The following RESF1 variants were observed in gnomAD, a reference collection of about 807,000 sequenced individuals.
The protein encoded by RESF1 is gonad expressed transcript.
Under a neutral mutation model 134.7 loss-of-function variants are expected in RESF1, and 65 were observed. The ratio of observed to expected loss-of-function variants is 0.48; its 90% confidence interval spans 0.40 to 0.59. RESF1 has a LOEUF of 0.59. Ranked by LOEUF, RESF1 falls within the 20% of genes least tolerant of loss-of-function variation. The probability of loss-of-function intolerance (pLI) is 0.00; values close to 1 mark genes in which losing one functional copy is unlikely to be tolerated. For missense variants in RESF1, 2,274 were observed against 2,002.7 expected (o/e 1.14, Z -2.59); for synonymous variants, 762 against 702.2 (o/e 1.09, Z -1.35).
chr12:31,962,165 C>T (rs968920977), intron 2 of RESF1, among the ~76,000 whole-genome samples: 3 of 151,030 alleles, frequency 2.0e-5, no homozygotes, highest in Non-Finnish European at 4.4e-5. Flanking sequence ...TTGCAGTGAC[C>T]TGAAGTCACC....
At chr12:31,961,631 T>C (rs1939271836) in intron 2 of RESF1, among the ~76,000 whole-genome samples, 1 of 152,228 alleles carries the variant, frequency 6.6e-6, no homozygotes, top group Non-Finnish European at 1.5e-5. Flanking sequence ...AAGCTCTAAA[T>C]TTATGAGCTT....
rs998987219 is a variant in RESF1 at position 31,992,739 on chromosome 12, G to A, written c.*204G>A. 12 of 555,936 alleles carry A rather than the reference G, an allele frequency of 2.2e-5. No homozygotes were observed. Among genetic ancestry groups the A allele is most frequent in the South Asian group, 6.4e-5 (3 of 46,962 alleles). 34.4% of individuals were successfully genotyped at this position (555,936 alleles called of 1,614,324 possible). On this transcript the variant is annotated 3_prime_UTR_variant, in exon 6 of 6. Coordinates refer to ENST00000312561, the MANE Select transcript of RESF1 (RefSeq NM_018169.4). Reference sequence around the variant, plus strand: ...GTGTAAGAAATGGATGGTATTCACCGGGGAAACAAGGTATTTGAATTTCTA... The same window carrying A: ...GTGTAAGAAATGGATGGTATTCACCAGGGAAACAAGGTATTTGAATTTCTA...
At chr12:31,959,668 C>T (rs1027770448) in intron 1 of RESF1, 177 bp downstream of exon 1, 93 of 151,132 alleles carry the variant, frequency 6.2e-4, no homozygotes, top group African/African-American at 2.1e-3. Flanking sequence ...CCTCGGGCCC[C>T]GCCGGCTCGC....
At chr12:31,966,073 T>G (rs1267452688) in intron 2 of RESF1, among the ~76,000 whole-genome samples, 5 of 152,120 alleles carry the variant, frequency 3.3e-5, no homozygotes, top group African/African-American at 1.2e-4. Flanking sequence ...GTCCAATCTT[T>G]TGGCTTCCCT....
intron 2 of RESF1, among the ~76,000 whole-genome samples, chr12:31,963,732 A>G (rs1425957828): frequency 6.6e-6 from 1 of 152,122 alleles, no homozygotes; most frequent in Non-Finnish European, 1.5e-5. Context: ...ATTTTCTCCA[A>G]CGCACCTTTC....
rs1213560598 is a variant in RESF1, at chr12:31,981,151, A to G, written c.196A>G (p.Ile66Val). 1.2e-6 allele frequency: 2 copies of G among 1,614,150 alleles called. No homozygotes were observed. The highest frequency in any genetic ancestry group is 1.3e-5 in the African/African-American group (1 of 75,060). ...TCCAATTTCACAGCCACTGCTGAAT[A>G]TCCAAAATTATCCTCAACAAATTTC... Reference protein sequence around the residue: ...SNPISQPLLNIQNYPQQISVS... With the variant: ...SNPISQPLLNVQNYPQQISVS... Residue 66 changes from isoleucine (I) to valine (V), a missense_variant, in exon 4 of 6, where the codon ATC becomes GTC. By Grantham distance (29) the Ile-to-Val change is conservative. Coordinates refer to ENST00000312561, the MANE Select transcript of RESF1 (RefSeq NM_018169.4).
intron 3 of RESF1, among the ~76,000 whole-genome samples, chr12:31,975,036 A>T (rs1939599221): frequency 6.6e-6 from 1 of 151,282 alleles, no homozygotes; most frequent in South Asian, 2.1e-4. Context: ...GCACTTTGGG[A>T]GGCCAAGGCA....
chr12:31,982,505 A>G lies in RESF1; in HGVS notation c.1550A>G (p.Asp517Gly), dbSNP rs778149712. The change falls in exon 4 of 6, where the codon GAC (aspartate) becomes GGC (glycine). Residue 517 changes from aspartate (D) to glycine (G), a missense_variant. By Grantham distance (94) the Asp-to-Gly change is moderately conservative. Transcript: ENST00000312561. The stretch of plus-strand genomic sequence containing the variant: ...TATTCTGAAAAGCGGCCAATGCCAG[A>G]CTCATCTCATGATGTGAAAGTTCTC... Reference protein sequence around the residue: ...PVYSEKRPMPDSSHDVKVLTS... With the variant: ...PVYSEKRPMPGSSHDVKVLTS... 8.1e-6 allele frequency: 13 copies of G among 1,613,680 alleles called. No individual in the cohort carries two copies. Among genetic ancestry groups the G allele is most frequent in the Middle Eastern group, 1.6e-4 (1 of 6,062 alleles).
chr12:31,977,584 C>CAT (rs1347080280), intron 3 of RESF1, among the ~76,000 whole-genome samples: 6 of 152,080 alleles, frequency 3.9e-5, no homozygotes, highest in Admixed American at 3.3e-4. Flanking sequence ...TCATTCGTGG[C>CAT]ATATAGATAA....
At chr12:31,975,350 T>A (rs1939608930) in intron 3 of RESF1, among the ~76,000 whole-genome samples, 2 of 152,192 alleles carry the variant, frequency 1.3e-5, no homozygotes, top group South Asian at 4.1e-4. Flanking sequence ...TCCAAAACTC[T>A]AAGGTTCCAC....
chr12:31,964,442 G>T (rs1398684267), intron 2 of RESF1, among the ~76,000 whole-genome samples: 1 of 152,182 alleles, frequency 6.6e-6, no homozygotes, highest in East Asian at 1.9e-4. Flanking sequence ...CTAGCTCCAA[G>T]CTCCTGCAAA....
In RESF1 at chr12:31,992,489, A is replaced by C; in HGVS notation, c.5198A>C (p.Tyr1733Ser). Reference sequence around the variant, plus strand: ...ATGTTTCAAACCTACAAACAGATGTACCTGGAGAAGAGAAGCAGAAGCCTT... The same window carrying C: ...ATGTTTCAAACCTACAAACAGATGTCCCTGGAGAAGAGAAGCAGAAGCCTT... ...KEMFQTYKQM[Y>S]LEKRSRSLGS... is the part of the protein sequence containing the mutation. Residue 1733 changes from tyrosine (Y) to serine (S), a missense_variant, in exon 6 of 6, where the codon TAC becomes TCC. Transcript: ENST00000312561. 6.2e-7 allele frequency: 1 copy of C among 1,614,064 alleles called. No individual in the cohort carries two copies. Among genetic ancestry groups the C allele is most frequent in the Non-Finnish European group, 8.5e-7 (1 of 1,179,962 alleles).
In RESF1 at chr12:31,984,998, A is replaced by C. The variant is rs1241602251; in HGVS notation, c.4043A>C (p.Lys1348Thr). ...TAFLPNKDVY[K>T]KHSSLGQSLS... ...TTTTTGCCAAATAAAGATGTGTATA[A>C]GAAGCATAGTTCTTTGGGACAGTCA... Residue 1348 changes from lysine to threonine, a missense_variant, in exon 4 of 6, where the codon AAG becomes ACG. By Grantham distance (78) the Lys-to-Thr change is moderately conservative. Coordinates refer to ENST00000312561, the MANE Select transcript of RESF1 (RefSeq NM_018169.4). 1 of 1,610,122 alleles carries C rather than the reference A, an allele frequency of 6.2e-7. No homozygotes were observed. Among genetic ancestry groups the C allele is most frequent in the East Asian group, 2.2e-5 (1 of 44,848 alleles).
At chr12:31,979,688 C>T (rs75915649) in intron 3 of RESF1, among the ~76,000 whole-genome samples, 5 of 151,796 alleles carry the variant, frequency 3.3e-5, no homozygotes, top group African/African-American at 4.8e-5. Flanking sequence ...GCTGGGACTA[C>T]GGGCATGCAC....
chr12:31,963,431 G>A (rs2120755198), intron 2 of RESF1, among the ~76,000 whole-genome samples: 1 of 152,208 alleles, frequency 6.6e-6, no homozygotes. Flanking sequence ...AAAGATTTGG[G>A]ACACTGTATC....
rs776515299 is a variant in RESF1, at chr12:31,987,275, A to C, written c.5039A>C (p.Lys1680Thr). Reference protein sequence around the residue: ...GIKSTKEDWLKFVATKKRTQK... With the variant: ...GIKSTKEDWLTFVATKKRTQK... ...AAAAGTACAAAAGAAGACTGGTTAA[A>C]ATTTGTTGCTACAAAGAAAAGGACA... The change falls in exon 5 of 6, where the codon AAA (lysine) becomes ACA (threonine). Residue 1680 changes from lysine (K) to threonine (T), a missense_variant. Transcript: ENST00000312561. 4.4e-6 allele frequency: 7 copies of C among 1,602,388 alleles called. No individual in the cohort carries two copies. The highest frequency in any genetic ancestry group is 6.0e-6 in the Non-Finnish European group (7 of 1,170,936).
At chr12:31,964,932 A>G (rs888662194) in intron 2 of RESF1, among the ~76,000 whole-genome samples, 4 of 151,890 alleles carry the variant, frequency 2.6e-5, no homozygotes, top group African/African-American at 9.7e-5. Flanking sequence ...TGTCAGTACT[A>G]TATGGTCTTG....
chr12:31,987,393 T>C (rs927962564), intron 5 of RESF1, 71 bp downstream of exon 5: 2 of 866,902 alleles, frequency 2.3e-6, no homozygotes, highest in African/African-American at 1.7e-5. Flanking sequence ...ATTATGGTTA[T>C]GATATGATTG....
intron 3 of RESF1, among the ~76,000 whole-genome samples, chr12:31,971,562 A>G (rs1939508617): frequency 6.6e-6 from 1 of 152,234 alleles, no homozygotes; most frequent in Non-Finnish European, 1.5e-5. Flanking sequence ...GATAGTTTTT[A>G]AAATCCAGAC....
Sources: gnomAD v4.1 joint callset for allele counts (sites outside exome capture counted in the v4.1 genomes callset) on GRCh38, gnomAD v4.1.1 for gene constraint, MANE v1.5 for transcripts, NCBI Gene and HGNC (gene_info 2026-07-23, HGNC 2026-07-21) for gene names.